Variants in PLD5 observed in about 807,000 individuals in gnomAD.
PLD5 encodes the protein phospholipase D family member 5.
PLD5 carries 36 observed loss-of-function variants against 61.1 expected under a neutral mutation model. The ratio of observed to expected loss-of-function variants is 0.59; its 90% CI spans 0.45 to 0.78. The LOEUF (loss-of-function observed/expected upper bound fraction) is 0.78. Ranked by LOEUF, PLD5 falls within the 30% of genes least tolerant of loss-of-function variation. PLD5 has a pLI of 0.00. For missense variants in PLD5, 515 were observed against 644.4 expected (o/e 0.80, Z 2.17); for synonymous variants, 243 against 242.8 (o/e 1.00, Z -0.01).
chr1:242,089,401 A>G lies in PLD5; in HGVS notation c.*453T>C. ...GCTTAGCTGACTGTGTAGGTCTTGG[A>G]GACGATTTACAAGAATAAACACTTG... On this transcript the variant is annotated 3_prime_UTR_variant, in exon 10 of 10. Coordinates refer to ENST00000536534, the MANE Select transcript of PLD5 (RefSeq NM_001372062.1). 11 of 398,482 alleles carry G rather than the reference A, an allele frequency of 2.8e-5. No homozygotes were observed. Among genetic ancestry groups the G allele is most frequent in the Admixed American group, 1.3e-4 (3 of 23,102 alleles). 24.7% of individuals were successfully genotyped at this position (398,482 alleles called of 1,614,324 possible).
chr1:242,306,273 G>C (rs945933356), intron 2 of PLD5, among the ~76,000 whole-genome samples: 4 of 150,390 alleles, frequency 2.7e-5, no homozygotes, highest in Non-Finnish European at 5.9e-5. Context: ...TAAAGATTTG[G>C]AATGGAGTAT....
intron 1 of PLD5, among the ~76,000 whole-genome samples, chr1:242,472,617 G>GAACT (rs1389290268): frequency 6.6e-6 from 1 of 152,212 alleles, no homozygotes; most frequent in Non-Finnish European, 1.5e-5. Flanking sequence ...TCTCAATTAT[G>GAACT]AACTGGTGTA....
At chr1:242,349,618 T>A (rs1429856278) in intron 1 of PLD5, among the ~76,000 whole-genome samples, 1 of 152,200 alleles carries the variant, frequency 6.6e-6, no homozygotes, top group East Asian at 1.9e-4. Flanking sequence ...GTCACTCACA[T>A]ACATATCATT....
intron 6 of PLD5, among the ~76,000 whole-genome samples, chr1:242,120,318 A>G (rs1185964493): frequency 6.6e-6 from 1 of 151,952 alleles, no homozygotes; most frequent in African/African-American, 2.4e-5. Context: ...TTTTATTTTT[A>G]TTTTTTGTAT....
At chr1:242,439,481 G>A (rs6681158) in intron 1 of PLD5, among the ~76,000 whole-genome samples, 8,313 of 152,220 alleles carry the variant, frequency 0.055, 682 homozygotes, top group African/African-American at 0.18. Flanking sequence ...AGGCACTAGC[G>A]GGAAAATGAA....
intron 5 of PLD5, among the ~76,000 whole-genome samples, chr1:242,210,987 G>C (rs1391537766): frequency 6.6e-6 from 1 of 152,212 alleles, no homozygotes; most frequent in Non-Finnish European, 1.5e-5. Flanking sequence ...AGCTAGCTGA[G>C]GTTGGTTCAT....
chr1:242,488,065 A>G (rs1572230590), intron 1 of PLD5, among the ~76,000 whole-genome samples: 1 of 152,282 alleles, frequency 6.6e-6, no homozygotes, highest in Non-Finnish European at 1.5e-5. Flanking sequence ...AAACACTGAC[A>G]ATATCAATGC....
intron 5 of PLD5, among the ~76,000 whole-genome samples, chr1:242,169,572 G>A (rs1033133781): frequency 7.9e-5 from 12 of 152,078 alleles, no homozygotes; most frequent in Admixed American, 2.6e-4. Context: ...GAATGCCAGC[G>A]AGACAGAACT....
At chr1:242,521,052 C>T (rs1407335072) in intron 1 of PLD5, among the ~76,000 whole-genome samples, 1 of 152,216 alleles carries the variant, frequency 6.6e-6, no homozygotes, top group Non-Finnish European at 1.5e-5. Context: ...ATACAACATT[C>T]TGTGTATGGC....
chr1:242,120,639 C>A (rs1662294052), intron 6 of PLD5, among the ~76,000 whole-genome samples: 1 of 152,184 alleles, frequency 6.6e-6, no homozygotes, highest in Non-Finnish European at 1.5e-5. Context: ...ATATACATGG[C>A]TGACAGGTGA....
chr1:242,359,412 T>TG (rs1439778823), intron 1 of PLD5, among the ~76,000 whole-genome samples: 2 of 152,134 alleles, frequency 1.3e-5, no homozygotes, highest in Non-Finnish European at 2.9e-5. Context: ...CAGCTTTCAA[T>TG]GGGGAATTTT....
At chr1:242,249,736 A>G (rs1023890738) in intron 4 of PLD5, among the ~76,000 whole-genome samples, 1 of 152,238 alleles carries the variant, frequency 6.6e-6, no homozygotes, top group Non-Finnish European at 1.5e-5. Context: ...GTAGAAAAAA[A>G]CATTCAAAAT....
At chr1:242,317,335 A>G (rs1260113328) in intron 2 of PLD5, among the ~76,000 whole-genome samples, 1 of 152,202 alleles carries the variant, frequency 6.6e-6, no homozygotes, top group Non-Finnish European at 1.5e-5. Context: ...ATGAACATTT[A>G]GGTTGATTCT....
chr1:242,136,505 C>T (rs551232911), intron 5 of PLD5, among the ~76,000 whole-genome samples: 57 of 152,274 alleles, frequency 3.7e-4, no homozygotes, highest in African/African-American at 1.3e-3. Context: ...AATTGATATT[C>T]TAACCTCACA....
chr1:242,088,044 G>A lies in PLD5; in HGVS notation c.*1810C>T, dbSNP rs1028664668. 5 of 152,136 alleles carry A rather than the reference G, an allele frequency of 3.3e-5. No individual in the cohort carries two copies. The highest frequency in any genetic ancestry group is 1.5e-5 in the Non-Finnish European group (1 of 68,040). The allele number at this position is 152,136 out of a possible 1,614,324, so 9.4% of individuals were successfully genotyped here. On this transcript the variant is annotated 3_prime_UTR_variant, in exon 10 of 10. Transcript: ENST00000536534. Reference sequence around the variant, plus strand: ...GATCACTCACTGGATAACCAACATAGCCATTCTATATTAAGTAAATCCATT... The same window carrying A: ...GATCACTCACTGGATAACCAACATAACCATTCTATATTAAGTAAATCCATT...
intron 5 of PLD5, among the ~76,000 whole-genome samples, chr1:242,145,460 G>A (rs1440361816): frequency 6.6e-6 from 1 of 152,012 alleles, no homozygotes; most frequent in Non-Finnish European, 1.5e-5. Context: ...TGTTGAATAA[G>A]GGAATGAAAT....
At chr1:242,526,908 G>T (rs964208908), upstream of PLD5, among the ~76,000 whole-genome samples, 1 of 152,084 alleles carries the variant, frequency 6.6e-6, no homozygotes, top group Non-Finnish European at 1.5e-5. Context: ...TCTGCCTTTT[G>T]CTGTATGAGA....
chr1:242,400,880 CCA>C (rs1286931691), intron 1 of PLD5, among the ~76,000 whole-genome samples: 1 of 152,138 alleles, frequency 6.6e-6, no homozygotes, highest in Non-Finnish European at 1.5e-5. Context: ...TGAGTAAAAG[CCA>C]CAGAGTACAA....
chr1:242,224,160 T>C (rs1015642981), intron 4 of PLD5, among the ~76,000 whole-genome samples: 2 of 152,150 alleles, frequency 1.3e-5, no homozygotes, highest in South Asian at 2.1e-4. Context: ...AGAATTGCAA[T>C]TAGCAAAGAC....
Sources: gnomAD v4.1 joint callset for allele counts (sites outside exome capture counted in the v4.1 genomes callset) on GRCh38, gnomAD v4.1.1 for gene constraint, MANE v1.5 for transcripts, NCBI Gene and HGNC (gene_info 2026-07-23, HGNC 2026-07-21) for gene names.